The following PDCD1LG2 variants were observed in gnomAD, a reference collection of about 807,000 sequenced individuals.
The protein encoded by PDCD1LG2 is programmed cell death 1 ligand 2, also known as B7 dendritic cell molecule.
In PDCD1LG2, 32 loss-of-function variants were observed where a neutral mutation model predicts 28.2. The observed-to-expected ratio is 1.13, with a 90% CI of 0.86 to 1.52. The LOEUF is 1.52. PDCD1LG2 is among the 40% of genes most tolerant of loss of function. The pLI is 0.00. For missense variants in PDCD1LG2, 385 were observed against 323.8 expected (o/e 1.19, Z -1.45); for synonymous variants, 116 against 120.2 (o/e 0.97, Z 0.23).
At chr9:5,546,347 AG>A (rs1303546507) in intron 3 of PDCD1LG2, among the ~76,000 whole-genome samples, 1 of 152,244 alleles carries the variant, frequency 6.6e-6, no homozygotes, top group Admixed American at 6.5e-5. Flanking sequence ...AAAAGACTTG[AG>A]AGCTTACAGA....
In PDCD1LG2 at chr9:5,549,567, C is replaced by T. The variant is rs200925206; in HGVS notation, c.594C>T (p.His198=). Residue 198 remains histidine (H), a synonymous_variant, in exon 4 of 7, where the codon CAC becomes CAT. Transcript: ENST00000397747. ...TCAGCTGTGTGTTCTGGAATACTCA[C>T]GTGAGGGAACTTACTTTGGCCAGCA... is the stretch of plus-strand genomic sequence containing the variant. ...RNFSCVFWNT[H]VRELTLASID... The T allele has an allele frequency of 4.5e-5, 73 of 1,614,080 alleles. No homozygotes were observed. The highest frequency in any genetic ancestry group is 1.6e-4 in the Middle Eastern group (1 of 6,084).
At chr9:5,564,550 A>G (rs1816626515) in intron 6 of PDCD1LG2, among the ~76,000 whole-genome samples, 1 of 152,216 alleles carries the variant, frequency 6.6e-6, no homozygotes. Context: ...AGGAATTTAA[A>G]TATTTCTAGA....
intron 4 of PDCD1LG2, among the ~76,000 whole-genome samples, chr9:5,551,265 C>A (rs543624743): frequency 1.3e-5 from 2 of 152,294 alleles, no homozygotes; most frequent in African/African-American, 4.8e-5. Context: ...TTCAATCTGG[C>A]TTTATAGAAA....
Position 5,557,711 on chromosome 9 carries a change from C to T in PDCD1LG2, c.725C>T (p.Ala242Val), listed in dbSNP as rs768414568. 3.7e-6 allele frequency: 6 copies of T among 1,613,774 alleles called. No homozygotes were observed. The highest frequency in any genetic ancestry group is 1.6e-4 in the Middle Eastern group (1 of 6,082). ...TTCATTTTCATAGCCACAGTGATAG[C>T]CCTAAGAAAACAACTCTGTCAAAAG... ...IAFIFIATVI[A>V]LRKQLCQKLY... The change falls in exon 5 of 7, where the codon GCC becomes GTC. Residue 242 changes from alanine to valine, a missense_variant. Coordinates refer to ENST00000397747, the MANE Select transcript of PDCD1LG2 (RefSeq NM_025239.4).
At position 5,522,579 on chromosome 9, in the gene PDCD1LG2, A is replaced by G; in HGVS notation, c.33A>G (p.Glu11=). The G allele has an allele frequency of 1.2e-6, 2 of 1,613,786 alleles. No homozygotes were observed. Among genetic ancestry groups the G allele is most frequent in the Non-Finnish European group, 1.7e-6 (2 of 1,179,742 alleles). MIFLLLMLSL[E]LQLHQIAALF... ...TCCTCCTGCTAATGTTGAGCCTGGA[A>G]TTGCAGCTTCACCAGATAGCAGGTA... The change falls in exon 2 of 7, where the codon GAA becomes GAG. Residue 11 remains glutamate (E), a synonymous_variant. Transcript: ENST00000397747.
At chr9:5,522,077 T>C (rs936035592) in intron 1 of PDCD1LG2, among the ~76,000 whole-genome samples, 3 of 152,228 alleles carry the variant, frequency 2.0e-5, no homozygotes, top group East Asian at 3.8e-4. Flanking sequence ...CAAGTATTTA[T>C]TGAGAATGTA....
intron 2 of PDCD1LG2, among the ~76,000 whole-genome samples, chr9:5,534,280 A>G (rs950840835): frequency 1.3e-5 from 2 of 152,190 alleles, no homozygotes; most frequent in Non-Finnish European, 2.9e-5. Flanking sequence ...ATATGGATTG[A>G]GGGAAACAAA....
rs73388506 is a variant in PDCD1LG2, at chr9:5,529,705, A to C, written c.56-5040A>C. Among the ~76,000 whole-genome samples, 593 of 152,304 alleles carry C rather than the reference A, an allele frequency of 3.9e-3. 3 individuals are homozygous for C. Among genetic ancestry groups the C allele is most frequent in the African/African-American group, 0.013 (559 of 41,570 alleles). ...AGAGGTAGATGAAAACCAGAGGGCC[A>C]CAATGACCATGGTGATGCCTGAGGT... On this transcript the variant is annotated intron_variant, in intron 2 of 6. Transcript: ENST00000397747.
intron 2 of PDCD1LG2, among the ~76,000 whole-genome samples, chr9:5,529,885 C>T (rs1820449130): frequency 6.6e-6 from 1 of 152,196 alleles, no homozygotes. Context: ...TCCTCCTACA[C>T]TGAGCAGAGC....
chr9:5,552,423 G>C (rs1171866957), intron 4 of PDCD1LG2, among the ~76,000 whole-genome samples: 1 of 152,160 alleles, frequency 6.6e-6, no homozygotes, highest in Admixed American at 6.5e-5. Flanking sequence ...GAGCCTAAAT[G>C]TGTGGGGTTG....
chr9:5,519,143 C>T (rs1048187475), intron 1 of PDCD1LG2, among the ~76,000 whole-genome samples: 2 of 152,076 alleles, frequency 1.3e-5, no homozygotes, highest in African/African-American at 4.8e-5. Flanking sequence ...ATGGGTGAAG[C>T]AGGGTGAGTG....
Position 5,569,294 on chromosome 9 carries a change from G to A in PDCD1LG2, c.817-660G>A, listed in dbSNP as rs1177416051. The stretch of plus-strand genomic sequence containing the variant: ...GGATACTGAGCATGCCAGGATGCAA[G>A]AGCAGGCAGGGAAGGTGACTATTCC... On this transcript the variant is annotated intron_variant, in intron 6 of 6. Transcript: ENST00000397747. The surrounding 1 kb of genome is among the most constrained non-coding windows in gnomAD (Gnocchi z 4.1). Among the ~76,000 whole-genome samples the A allele has an allele frequency of 6.6e-6, 1 of 152,182 alleles. No homozygotes were observed. The highest frequency in any genetic ancestry group is 1.9e-4 in the East Asian group (1 of 5,192).
rs189491200 is a variant in PDCD1LG2 at position 5,549,273 on chromosome 9, G to T, written c.362-62G>T. On this transcript the variant is annotated intron_variant, in intron 3 of 6. Coordinates refer to ENST00000397747, the MANE Select transcript of PDCD1LG2 (RefSeq NM_025239.4). ...TTTTATTCATTTCACATGGCATGAA[G>T]TACCAAGCTCTATAGGAATCAGAAA... is the stretch of plus-strand genomic sequence containing the variant. 1,473 of 1,468,428 alleles carry T rather than the reference G, an allele frequency of 1.0e-3. 2 individuals are homozygous for T. The highest frequency in any genetic ancestry group is 1.2e-3 in the Non-Finnish European group (1,284 of 1,081,974). The allele number at this position is 1,468,428 out of a possible 1,614,324, so 91.0% of individuals were successfully genotyped here.
chr9:5,537,664 G>C (rs547796523), intron 3 of PDCD1LG2, among the ~76,000 whole-genome samples: 2 of 152,154 alleles, frequency 1.3e-5, no homozygotes, highest in Non-Finnish European at 2.9e-5. Flanking sequence ...TCACTCATAG[G>C]TGGGAATTGA....
At chr9:5,544,417 G>A (rs180789353) in intron 3 of PDCD1LG2, among the ~76,000 whole-genome samples, 15 of 152,298 alleles carry the variant, frequency 9.8e-5, no homozygotes, top group African/African-American at 3.4e-4. Context: ...ATCTTCTGCT[G>A]GAGAGGCCAC....
intron 3 of PDCD1LG2, among the ~76,000 whole-genome samples, chr9:5,543,236 G>A (rs1022219874): frequency 3.3e-5 from 5 of 152,026 alleles, no homozygotes; most frequent in Admixed American, 6.6e-5. Flanking sequence ...TTGGGGGTGA[G>A]AGATAAAAAA....
chr9:5,521,505 C>A (rs1820273798), intron 1 of PDCD1LG2, among the ~76,000 whole-genome samples: 1 of 151,958 alleles, frequency 6.6e-6, no homozygotes, highest in African/African-American at 2.4e-5. Context: ...CACTTCTCAC[C>A]CCTACTAGCC....
intron 3 of PDCD1LG2, among the ~76,000 whole-genome samples, chr9:5,539,695 G>A (rs1303263240): frequency 6.6e-6 from 1 of 152,146 alleles, no homozygotes; most frequent in Non-Finnish European, 1.5e-5. Flanking sequence ...AGCTGGGGTT[G>A]AGAACTGGTC....
intron 2 of PDCD1LG2, among the ~76,000 whole-genome samples, chr9:5,525,518 A>C (rs1052425272): frequency 2.0e-5 from 3 of 151,546 alleles, no homozygotes; most frequent in African/African-American, 7.3e-5. Context: ...TATTATATAT[A>C]TAATAGATAG....
Sources: allele counts gnomAD v4.1 joint callset (sites outside exome capture counted in the v4.1 genomes callset), GRCh38; gene constraint gnomAD v4.1.1; non-coding constraint Gnocchi (gnomAD v3.1); transcripts MANE v1.5; gene names NCBI Gene and HGNC (gene_info 2026-07-23, HGNC 2026-07-21).